The following CYP20A1 variants were observed in gnomAD, a reference collection of about 807,000 sequenced individuals.
The protein encoded by CYP20A1 is cytochrome P450 20A1.
In CYP20A1, 61 loss-of-function variants were observed where a neutral mutation model predicts 61.4. The observed-to-expected ratio is 0.99, with a 90% CI of 0.81 to 1.23. CYP20A1 has a LOEUF of 1.23. Among genes scored for constraint, CYP20A1 ranks in the 50% most tolerant of loss-of-function variants. The pLI is 0.00. For synonymous variants in CYP20A1, 193 were observed against 188.2 expected, an observed-to-expected ratio of 1.03 and a Z score of -0.21; for missense variants, 530 against 542.4, an observed-to-expected ratio of 0.98 and a Z score of 0.23.
chr2:203,283,053 G>A (rs568889958), intron 8 of CYP20A1, among the ~76,000 whole-genome samples: 3 of 151,710 alleles, frequency 2.0e-5, no homozygotes, highest in Admixed American at 6.6e-5. Context: ...GCATGTGCCT[G>A]TAGTCCCAGC....
At chr2:203,266,072 C>G (rs535019546) in intron 4 of CYP20A1, among the ~76,000 whole-genome samples, 1 of 152,198 alleles carries the variant, frequency 6.6e-6, no homozygotes, top group South Asian at 2.1e-4. Context: ...GAAGGAATGA[C>G]AAAGAGACTC....
chr2:203,269,261 G>GT (rs1267355839), intron 5 of CYP20A1, among the ~76,000 whole-genome samples: 4 of 150,314 alleles, frequency 2.7e-5, no homozygotes, highest in African/African-American at 4.9e-5. Context: ...GGGCAACACA[G>GT]TGAGACCCCT....
intron 4 of CYP20A1, among the ~76,000 whole-genome samples, chr2:203,260,545 G>T (rs56102300): frequency 0.44 from 67,484 of 151,824 alleles, 16,815 homozygotes; most frequent in Middle Eastern, 0.67. Flanking sequence ...TAGAGACAGG[G>T]TCTCGCTTTG....
At chr2:203,263,037 C>T (rs1268631362) in intron 4 of CYP20A1, among the ~76,000 whole-genome samples, 1 of 151,048 alleles carries the variant, frequency 6.6e-6, no homozygotes, top group Non-Finnish European at 1.5e-5. Flanking sequence ...TCTTGTCCCC[C>T]AGGCTGGAGT....
chr2:203,265,676 A>G (rs2067294462), intron 4 of CYP20A1, among the ~76,000 whole-genome samples: 1 of 151,976 alleles, frequency 6.6e-6, no homozygotes, highest in Non-Finnish European at 1.5e-5. Context: ...ACATCTACAA[A>G]TGTTTTTTGT....
chr2:203,249,303 C>T (rs750194409), intron 3 of CYP20A1, among the ~76,000 whole-genome samples: 38 of 152,058 alleles, frequency 2.5e-4, no homozygotes, highest in Admixed American at 1.8e-3. Context: ...TCGCTTGAAC[C>T]CAAGAGTTGA....
intron 8 of CYP20A1, among the ~76,000 whole-genome samples, chr2:203,283,817 G>A (rs2068150002): frequency 1.3e-5 from 2 of 152,176 alleles, no homozygotes; most frequent in South Asian, 4.1e-4. Context: ...AAAGTGCTGG[G>A]ATTACAGGTG....
In CYP20A1 at chr2:203,304,447, G is replaced by A. The variant is rs529811856; in HGVS notation, c.*7539G>A. 3.9e-5 allele frequency among the ~76,000 whole-genome samples: 6 copies of A among 152,096 alleles called. No individual in the cohort carries two copies. The highest frequency in any genetic ancestry group is 2.1e-4 in the South Asian group (1 of 4,826). ...CTCCTGACCTTGTGATCTGTCCACCGCGGCTTCCCAAAGTGCTGGGATTAC... is the reference window on the plus strand; with the variant it reads ...CTCCTGACCTTGTGATCTGTCCACCACGGCTTCCCAAAGTGCTGGGATTAC... On this transcript the variant is annotated 3_prime_UTR_variant, in exon 13 of 13. Transcript: ENST00000356079.
chr2:203,246,628 T>C, intron 2 of CYP20A1, 127 bp from the exon 3 acceptor site: 1 of 906,736 alleles, frequency 1.1e-6, no homozygotes, highest in Non-Finnish European at 1.7e-6. Flanking sequence ...TTTTGGATTT[T>C]GCAGTAATTT....
chr2:203,271,052 G>GTATATATA lies in CYP20A1; in HGVS notation c.601-1617_601-1616insATATATAT, dbSNP rs1352823025. The stretch of plus-strand genomic sequence containing the variant: ...AGTGTATATATATATATATGTATAT[G>GTATATATA]TGTATATATATATATATATATATAT... On this transcript the variant is annotated intron_variant, in intron 5 of 12. Coordinates refer to ENST00000356079, the MANE Select transcript of CYP20A1 (RefSeq NM_177538.3). 9.4e-4 allele frequency among the ~76,000 whole-genome samples: 43 copies of GTATATATA among 45,734 alleles called. 1 individual carries two copies. Among genetic ancestry groups the GTATATATA allele is most frequent in the South Asian group, 3.0e-3 (2 of 668 alleles). 30.0% of individuals were successfully genotyped at this position (45,734 alleles called of 152,430 possible). A position where few individuals can be genotyped will look rare whatever the true frequency, so the allele number is the denominator to read the frequency against.
intron 4 of CYP20A1, among the ~76,000 whole-genome samples, chr2:203,252,691 G>A (rs755637734): frequency 3.3e-5 from 5 of 152,044 alleles, no homozygotes; most frequent in Non-Finnish European, 7.4e-5. Flanking sequence ...GATGCTGCTT[G>A]GCTTTGGAGA....
Position 203,260,549 on chromosome 2 carries a change from C to T in CYP20A1, c.433-5965C>T, listed in dbSNP as rs188906090. ...TTTTTAATTTTTAGAGACAGGGTCT[C>T]GCTTTGTCACCCAGACTGGAGTGCA... is the stretch of plus-strand genomic sequence containing the variant. On this transcript the variant is annotated intron_variant, in intron 4 of 12. Coordinates refer to ENST00000356079, the MANE Select transcript of CYP20A1 (RefSeq NM_177538.3). Among the ~76,000 whole-genome samples the T allele has an allele frequency of 2.0e-3, 308 of 152,204 alleles. 1 individual carries two copies. Among genetic ancestry groups the T allele is most frequent in the Non-Finnish European group, 3.7e-3 (251 of 68,028 alleles).
In CYP20A1 at chr2:203,295,234, C is replaced by T. The variant is rs112058527; in HGVS notation, c.1149-1240C>T. Among the ~76,000 whole-genome samples, 83 of 151,660 alleles carry T rather than the reference C, an allele frequency of 5.5e-4. 1 individual carries two copies. The highest frequency in any genetic ancestry group is 3.4e-3 in the Middle Eastern group (1 of 292). On this transcript the variant is annotated intron_variant, in intron 11 of 12. Transcript: ENST00000356079. Reference sequence around the variant, plus strand: ...TGCTGGGATTACAGGCGTGAGCCACCGCGCCTGGCCAAAAATTTTTAATAG... The same window carrying T: ...TGCTGGGATTACAGGCGTGAGCCACTGCGCCTGGCCAAAAATTTTTAATAG...
chr2:203,274,548 A>G (rs1323447655), intron 6 of CYP20A1, among the ~76,000 whole-genome samples: 4 of 152,154 alleles, frequency 2.6e-5, no homozygotes, highest in South Asian at 2.1e-4. Context: ...AAATTAAAAT[A>G]CAGAGGCTGC....
chr2:203,287,031 C>T (rs950543602), intron 9 of CYP20A1, among the ~76,000 whole-genome samples: 15 of 151,096 alleles, frequency 9.9e-5, no homozygotes, highest in African/African-American at 3.6e-4. Context: ...GCCAGAGCAA[C>T]ATGGCAAAAC....
At position 203,300,120 on chromosome 2, in the gene CYP20A1, G is replaced by A. The variant is rs929415402; in HGVS notation, c.*3212G>A. On this transcript the variant is annotated 3_prime_UTR_variant, in exon 13 of 13. Transcript: ENST00000356079. ...TAAACAATGATGAAAGCAAAAATAGGGCAGTTGAACCAGAGTCAGCCAGTT... is the reference window on the plus strand; with the variant it reads ...TAAACAATGATGAAAGCAAAAATAGAGCAGTTGAACCAGAGTCAGCCAGTT... Among the ~76,000 whole-genome samples, 4 of 152,106 alleles carry A rather than the reference G, an allele frequency of 2.6e-5. No homozygotes were observed. The highest frequency in any genetic ancestry group is 5.9e-5 in the Non-Finnish European group (4 of 68,030).
rs770926182 is a variant in CYP20A1 at position 203,245,831 on chromosome 2, C to CT, written c.73-6dup. On this transcript the variant is annotated splice_polypyrimidine_tract_variant and intron_variant, in intron 1 of 12. Coordinates refer to ENST00000356079, the MANE Select transcript of CYP20A1 (RefSeq NM_177538.3). ...ATATATGATAATTCATTATTATAAACTTTTTTTTTGTAAGGCTTCCAGACA... is the reference window on the plus strand; with the variant it reads ...ATATATGATAATTCATTATTATAAACTTTTTTTTTTGTAAGGCTTCCAGACA... 489 of 1,539,292 alleles carry CT rather than the reference C, an allele frequency of 3.2e-4. No homozygotes were observed. The highest frequency in any genetic ancestry group is 4.1e-4 in the Middle Eastern group (2 of 4,894).
At chr2:203,261,869 G>C (rs964765102) in intron 4 of CYP20A1, among the ~76,000 whole-genome samples, 3 of 152,072 alleles carry the variant, frequency 2.0e-5, no homozygotes, top group African/African-American at 7.2e-5. Flanking sequence ...TGTTCGTGGA[G>C]AGGTGTCTCA....
Position 203,302,515 on chromosome 2 carries a change from C to T in CYP20A1, c.*5607C>T, listed in dbSNP as rs921570391. On this transcript the variant is annotated 3_prime_UTR_variant, in exon 13 of 13. Transcript: ENST00000356079. ...TGCCACTGCACTCCCTCATGGTTGA[C>T]AGAGCAAGACCCTGTCTCAAAAGAT... is the stretch of plus-strand genomic sequence containing the variant. Among the ~76,000 whole-genome samples, 3 of 152,258 alleles carry T rather than the reference C, an allele frequency of 2.0e-5. No individual in the cohort carries two copies. Among genetic ancestry groups the T allele is most frequent in the African/African-American group, 7.2e-5 (3 of 41,556 alleles).
Sources: allele counts gnomAD v4.1 joint callset (sites outside exome capture counted in the v4.1 genomes callset), GRCh38; gene constraint gnomAD v4.1.1; transcripts MANE v1.5; gene names NCBI Gene and HGNC (gene_info 2026-07-23, HGNC 2026-07-21).